The following LGALS8 variants were observed in gnomAD, a reference collection of about 807,000 sequenced individuals.
LGALS8 encodes the protein galectin 8, also known as galectin-8.
LGALS8 carries 30 observed loss-of-function variants against 35.9 expected under a neutral mutation model. The ratio of observed to expected loss-of-function variants is 0.83; its 90% CI spans 0.62 to 1.13. LGALS8 has a LOEUF of 1.13. Among genes scored for constraint, LGALS8 ranks in the 50% most tolerant of loss-of-function variants. LGALS8 has a pLI of 0.00. For missense variants in LGALS8, 366 were observed against 388.7 expected (o/e 0.94, Z 0.49); for synonymous variants, 138 against 136.1 (o/e 1.01, Z -0.10).
intron 2 of LGALS8, among the ~76,000 whole-genome samples, chr1:236,533,637 ATTTT>A (rs57058408): frequency 6.8e-6 from 1 of 147,024 alleles, no homozygotes. Context: ...CCTGACCCCC[ATTTT>A]TTTTTTTTTT....
chr1:236,552,713 T>G lies in LGALS8; in HGVS notation c.*4552T>G, dbSNP rs934266191. 7 of 152,262 alleles carry G rather than the reference T, an allele frequency of 4.6e-5. No homozygotes were observed. Among genetic ancestry groups the G allele is most frequent in the Admixed American group, 3.3e-4 (5 of 15,292 alleles). 9.4% of individuals were successfully genotyped at this position (152,262 alleles called of 1,614,324 possible). The stretch of plus-strand genomic sequence containing the variant: ...AGCAGTAGTTGGGTATTGTTAGCTT[T>G]TGAAACAAAAGCCCTACTGGTCTTC... On this transcript the variant is annotated 3_prime_UTR_variant, in exon 10 of 10. Transcript: ENST00000366584.
intron 2 of LGALS8, among the ~76,000 whole-genome samples, chr1:236,527,840 A>G (rs868298397): frequency 2.6e-5 from 4 of 151,952 alleles, no homozygotes; most frequent in South Asian, 2.1e-4. Context: ...GGTTCAAGCA[A>G]TTCTAGTGCC....
At chr1:236,543,762 C>T (rs1486160542) in intron 8 of LGALS8, 114 bp downstream of exon 8, 1 of 751,190 alleles carries the variant, frequency 1.3e-6, no homozygotes, top group Non-Finnish European at 2.4e-6. Flanking sequence ...ATCTTCATTT[C>T]CAAAGTGAGA....
intron 4 of LGALS8, 170 bp downstream of exon 4, chr1:236,539,259 ATG>A (rs1661794904): frequency 4.6e-6 from 1 of 217,208 alleles, no homozygotes; most frequent in East Asian, 7.2e-5. Context: ...AATGTGAGGT[ATG>A]GCACCACTAC....
chr1:236,551,040 G>T lies in LGALS8; in HGVS notation c.*2879G>T. On this transcript the variant is annotated 3_prime_UTR_variant, in exon 10 of 10. Coordinates refer to ENST00000366584, the MANE Select transcript of LGALS8 (RefSeq NM_201544.4). ...AATTAAAATCTGAGTCAGTCCGCCT[G>T]CCTCGGTTCTCATTAGTTTAATTCT... The T allele has an allele frequency of 1.5e-6, 2 of 1,374,400 alleles. No homozygotes were observed. Among genetic ancestry groups the T allele is most frequent in the Non-Finnish European group, 2.0e-6 (2 of 1,002,194 alleles). The allele number at this position is 1,374,400 out of a possible 1,614,324, so 85.1% of individuals were successfully genotyped here.
Position 236,537,021 on chromosome 1 carries a change from C to CTTTTTTTTGTTTT in LGALS8, c.46-468_46-467insGTTTTTTTTTTTT, listed in dbSNP as rs562338325. Among the ~76,000 whole-genome samples, 806 of 137,792 alleles carry CTTTTTTTTGTTTT rather than the reference C, an allele frequency of 5.8e-3. 60 individuals are homozygous for CTTTTTTTTGTTTT. Among genetic ancestry groups the CTTTTTTTTGTTTT allele is most frequent in the Middle Eastern group, 0.011 (3 of 276 alleles). The allele number at this position is 137,792 out of a possible 152,430, so 90.4% of individuals were successfully genotyped here. A position where few individuals can be genotyped will look rare whatever the true frequency, so the allele number is the denominator to read the frequency against. On this transcript the variant is annotated intron_variant, in intron 2 of 9. Coordinates refer to ENST00000366584, the MANE Select transcript of LGALS8 (RefSeq NM_201544.4). ...ATCCTGGCCATGAGGTATGCAGTTC[C>CTTTTTTTTGTTTT]TTTTTTTTTTTTTGAGACGGAGCCT...
intron 9 of LGALS8, among the ~76,000 whole-genome samples, chr1:236,545,788 T>C (rs950640705): frequency 1.3e-5 from 2 of 151,994 alleles, no homozygotes; most frequent in African/African-American, 4.8e-5. Context: ...GTTGTGGATA[T>C]TGGTTTGGAA....
At position 236,545,025 on chromosome 1, in the gene LGALS8, T is replaced by C. The variant is rs150447990; in HGVS notation, c.804+110T>C. 1,162 of 801,332 alleles carry C rather than the reference T, an allele frequency of 1.5e-3. 7 individuals carry two copies. The highest frequency in any genetic ancestry group is 0.01 in the East Asian group (393 of 38,464). 49.6% of individuals were successfully genotyped at this position (801,332 alleles called of 1,614,324 possible). A position where few individuals can be genotyped will look rare whatever the true frequency, so the allele number is the denominator to read the frequency against. On this transcript the variant is annotated intron_variant, in intron 9 of 9. Coordinates refer to ENST00000366584, the MANE Select transcript of LGALS8 (RefSeq NM_201544.4). ...TAACTCAGTATGTGGAAGTTGTGTA[T>C]GTTTTTTGTTTACTTGGAGATTGTA...
upstream of LGALS8, among the ~76,000 whole-genome samples, chr1:236,522,648 A>G (rs1444014391): frequency 6.6e-6 from 1 of 152,224 alleles, no homozygotes; most frequent in East Asian, 1.9e-4. Context: ...TATCTATTTT[A>G]TGCAAAGCAT....
In LGALS8 at chr1:236,526,722, A is replaced by T. The variant is rs527393177; in HGVS notation, c.45+607A>T. Among the ~76,000 whole-genome samples, 2 of 152,296 alleles carry T rather than the reference A, an allele frequency of 1.3e-5. No individual in the cohort carries two copies. The highest frequency in any genetic ancestry group is 4.8e-5 in the African/African-American group (2 of 41,566). ...GTGGTGAGAATCTTTAGGAATGTCTAGTTTCCACGTATCTGAAGCTGAATC... is the reference window on the plus strand; with the variant it reads ...GTGGTGAGAATCTTTAGGAATGTCTTGTTTCCACGTATCTGAAGCTGAATC... On this transcript the variant is annotated intron_variant, in intron 2 of 9. Coordinates refer to ENST00000366584, the MANE Select transcript of LGALS8 (RefSeq NM_201544.4). The surrounding 1 kb of genome is among the most constrained non-coding windows in gnomAD (Gnocchi z 4.6).
chr1:236,540,684 G>A lies in LGALS8; in HGVS notation c.465+1G>A. The A allele has an allele frequency of 6.2e-7, 1 of 1,603,376 alleles. No individual in the cohort carries two copies. The highest frequency in any genetic ancestry group is 8.5e-7 in the Non-Finnish European group (1 of 1,175,294). ...CTCAATTGGTTTTAGCTTCAGCTCG[G>A]TGAGTGACCTTCCACAGCTTGGGGT... is the stretch of plus-strand genomic sequence containing the variant. On this transcript the variant is annotated splice_donor_variant, in intron 5 of 9. Coordinates refer to ENST00000366584, the MANE Select transcript of LGALS8 (RefSeq NM_201544.4). LOFTEE classifies it high-confidence loss of function.
chr1:236,542,731 CATT>C, intron 6 of LGALS8, 27 bp from the exon 7 acceptor site: 2 of 1,610,982 alleles, frequency 1.2e-6, no homozygotes, highest in Non-Finnish European at 8.5e-7. Context: ...CCCCTTCTAA[CATT>C]GTTGTGTTTT....
Position 236,544,905 on chromosome 1 carries a change from T to C in LGALS8, c.794T>C (p.Met265Thr), listed in dbSNP as rs1461496328. ...NITSFPFSPG[M>T]YFEMIIYCDV... is the part of the protein sequence containing the mutation. ...ACCTCTTTCCCATTTAGTCCTGGGA[T>C]GTACTTTGAGGTGAGGTTACAGTTT... Residue 265 changes from methionine (M) to threonine (T), a missense_variant, in exon 9 of 10, where the codon ATG becomes ACG. Transcript: ENST00000366584. 6.2e-7 allele frequency: 1 copy of C among 1,608,216 alleles called. No individual in the cohort carries two copies. The highest frequency in any genetic ancestry group is 1.1e-5 in the South Asian group (1 of 89,696).
At chr1:236,521,355 TA>T (rs1444399257), upstream of LGALS8, among the ~76,000 whole-genome samples, 1 of 151,782 alleles carries the variant, frequency 6.6e-6, no homozygotes, top group African/African-American at 2.4e-5. Flanking sequence ...AAATATTGAG[TA>T]AAGATTTTAG....
Position 236,548,894 on chromosome 1 carries a change from A to C in LGALS8, c.*733A>C. On this transcript the variant is annotated 3_prime_UTR_variant, in exon 10 of 10. Transcript: ENST00000366584. ...AAAGCAAAACAAATACATGGTGCTG[A>C]AATTAACTTGATGCCAAGCCCAAGG... The C allele has an allele frequency of 2.5e-6, 1 of 398,604 alleles. No homozygotes were observed. The highest frequency in any genetic ancestry group is 1.3e-4 in the South Asian group (1 of 7,858). 24.7% of individuals were successfully genotyped at this position (398,604 alleles called of 1,614,324 possible). A position where few individuals can be genotyped will look rare whatever the true frequency, so the allele number is the denominator to read the frequency against.
At chr1:236,542,364 C>T (rs1427641212) in intron 6 of LGALS8, 2 of 225,304 alleles carry the variant, frequency 8.9e-6, no homozygotes, top group African/African-American at 4.6e-5. Flanking sequence ...TGGCTGTGAT[C>T]CCAGCTTTGG....
At chr1:236,543,918 G>C (rs1662193282) in intron 8 of LGALS8, among the ~76,000 whole-genome samples, 1 of 151,084 alleles carries the variant, frequency 6.6e-6, no homozygotes, top group African/African-American at 2.4e-5. Flanking sequence ...TAGAACTCCA[G>C]AGCAGCCCCG....
chr1:236,543,742 T>G, intron 8 of LGALS8, 94 bp downstream of exon 8: 1 of 850,026 alleles, frequency 1.2e-6, no homozygotes, highest in South Asian at 1.4e-5. Flanking sequence ...GAAGAAGGGC[T>G]AGCGTCAGAA....
intron 2 of LGALS8, among the ~76,000 whole-genome samples, chr1:236,532,769 G>A (rs535192262): frequency 2.0e-5 from 3 of 152,132 alleles, no homozygotes; most frequent in Non-Finnish European, 4.4e-5. Context: ...GCTTGAACCC[G>A]GGAGGCGGAG....
Sources: allele counts gnomAD v4.1 joint callset (sites outside exome capture counted in the v4.1 genomes callset), GRCh38; gene constraint gnomAD v4.1.1; non-coding constraint Gnocchi (gnomAD v3.1); transcripts MANE v1.5; gene names NCBI Gene and HGNC (gene_info 2026-07-23, HGNC 2026-07-21).